Variants in POLR2D observed in about 807,000 individuals in gnomAD.
POLR2D encodes RNA polymerase II subunit D.
In POLR2D, 10 loss-of-function variants were observed where a neutral mutation model predicts 17.6. The ratio of observed to expected loss-of-function variants is 0.57; its 90% CI spans 0.35 to 0.96. The LOEUF (loss-of-function observed/expected upper bound fraction) is 0.96, where lower values mean the gene tolerates loss of function less well. POLR2D is among the 40% of genes least tolerant of loss of function. POLR2D has a pLI of 0.02. For synonymous variants in POLR2D, 52 were observed against 60.2 expected, an observed-to-expected ratio of 0.86 and a Z score of 0.63; for missense variants, 126 against 176.4, an observed-to-expected ratio of 0.71 and a Z score of 1.62.
intron 2 of POLR2D, 152 bp from the exon 3 acceptor site, chr2:127,850,837 A>G (rs1461825133): frequency 1.7e-6 from 1 of 591,442 alleles, no homozygotes; most frequent in East Asian, 2.9e-5. Flanking sequence ...CTGTAATTCC[A>G]GCACTCTGAG....
In POLR2D at chr2:127,848,029, C is replaced by G. The variant is rs148323792; in HGVS notation, c.*78G>C. 3.0e-3 allele frequency: 3,007 copies of G among 988,838 alleles called. 12 individuals are homozygous for G. The highest frequency in any genetic ancestry group is 3.9e-3 in the Non-Finnish European group (2,418 of 612,284). The allele number at this position is 988,838 out of a possible 1,614,324, so 61.3% of individuals were successfully genotyped here. A position where few individuals can be genotyped will look rare whatever the true frequency, so the allele number is the denominator to read the frequency against. On this transcript the variant is annotated 3_prime_UTR_variant, in exon 4 of 4. Transcript: ENST00000272645. ...AACTGTCTTCAACAGAATTTCTGTGCAAGTCAGCCCCAGACAGTGGGAAGG... is the reference window on the plus strand; with the variant it reads ...AACTGTCTTCAACAGAATTTCTGTGGAAGTCAGCCCCAGACAGTGGGAAGG...
rs1236654597 is a variant in POLR2D, at chr2:127,846,683, TATTTTTCTCCAGAGAA to T, written c.*1408_*1423del. ...ATTTTTTTAAGTAGAATTGCAATTTTATTTTTCTCCAGAGAAGTTTTTCTTCAGTCCTTAACAACTC... is the reference window on the plus strand; with the variant it reads ...ATTTTTTTAAGTAGAATTGCAATTTTGTTTTTCTTCAGTCCTTAACAACTC... On this transcript the variant is annotated 3_prime_UTR_variant, in exon 4 of 4. Coordinates refer to ENST00000272645, the MANE Select transcript of POLR2D (RefSeq NM_004805.4). 1 of 152,682 alleles carries T rather than the reference TATTTTTCTCCAGAGAA, an allele frequency of 6.5e-6. No homozygotes were observed. The highest frequency in any genetic ancestry group is 1.5e-5 in the Non-Finnish European group (1 of 68,080). 9.5% of individuals were successfully genotyped at this position (152,682 alleles called of 1,614,324 possible).
At position 127,845,366 on chromosome 2, in the gene POLR2D, A is replaced by C. The variant is rs1488475511; in HGVS notation, c.*2741T>G. On this transcript the variant is annotated 3_prime_UTR_variant, in exon 4 of 4. Coordinates refer to ENST00000272645, the MANE Select transcript of POLR2D (RefSeq NM_004805.4). ...AAGTTAACTGTAGATTTGGGTAAGC[A>C]ATTTCACTTTTTTTTTTTTTTTTTT... 1 of 139,682 alleles carries C rather than the reference A, an allele frequency of 7.2e-6. No homozygotes were observed. The highest frequency in any genetic ancestry group is 2.2e-4 in the South Asian group (1 of 4,490). The allele number at this position is 139,682 out of a possible 1,614,324, so 8.7% of individuals were successfully genotyped here.
chr2:127,858,007 T>A (rs745381892), intron 1 of POLR2D, 21 bp downstream of exon 1: 1 of 1,574,524 alleles, frequency 6.4e-7, no homozygotes, highest in African/African-American at 1.4e-5. Flanking sequence ...CGCGGGGGAG[T>A]CTGGCAGCCC....
chr2:127,850,810 G>T (rs34706819), intron 2 of POLR2D, 125 bp from the exon 3 acceptor site: 177,798 of 602,500 alleles, frequency 0.3, 29,534 homozygotes, highest in South Asian at 0.5. Context: ...TAGACGGCCA[G>T]GTGTAGTGGC....
chr2:127,855,748 C>T (rs1430965126), intron 1 of POLR2D, among the ~76,000 whole-genome samples: 1 of 152,208 alleles, frequency 6.6e-6, no homozygotes, highest in East Asian at 1.9e-4. Flanking sequence ...AGACTTCTCC[C>T]CATGGCTAAT....
rs982781989 is a variant in POLR2D, at chr2:127,858,131, G to T, written c.-31C>A. On this transcript the variant is annotated 5_prime_UTR_variant, in exon 1 of 4. Coordinates refer to ENST00000272645, the MANE Select transcript of POLR2D (RefSeq NM_004805.4). The stretch of plus-strand genomic sequence containing the variant: ...CGCCGCGCCGCGCGCCACCACCAGC[G>T]CCGCCGGAAGCAGAAGCGCGGAGCA... 11 of 1,420,244 alleles carry T rather than the reference G, an allele frequency of 7.7e-6. No homozygotes were observed. Among genetic ancestry groups the T allele is most frequent in the Non-Finnish European group, 9.2e-6 (10 of 1,084,422 alleles). The allele number at this position is 1,420,244 out of a possible 1,614,324, so 88.0% of individuals were successfully genotyped here.
chr2:127,848,057 G>T lies in POLR2D; in HGVS notation c.*50C>A, dbSNP rs753809360. ...GTCAGCCCCAGACAGTGGGAAGGTGGTGTTATGCCTGGGGATGTGGTTTCT... is the reference window on the plus strand; with the variant it reads ...GTCAGCCCCAGACAGTGGGAAGGTGTTGTTATGCCTGGGGATGTGGTTTCT... On this transcript the variant is annotated 3_prime_UTR_variant, in exon 4 of 4. Transcript: ENST00000272645. 13 of 1,155,568 alleles carry T rather than the reference G, an allele frequency of 1.1e-5. No homozygotes were observed. The South Asian group carries it at 1.2e-4, about 11-fold the overall frequency. 71.6% of individuals were successfully genotyped at this position (1,155,568 alleles called of 1,614,324 possible).
intron 1 of POLR2D, chr2:127,857,628 C>A (rs1690360569): frequency 5.0e-6 from 1 of 200,992 alleles, no homozygotes; most frequent in African/African-American, 2.3e-5. Flanking sequence ...CCCCCGAGCT[C>A]CCGCTCACCA....
chr2:127,853,478 T>C (rs1451510104), intron 1 of POLR2D, among the ~76,000 whole-genome samples: 3 of 152,218 alleles, frequency 2.0e-5, no homozygotes, highest in Non-Finnish European at 4.4e-5. Context: ...GTGCTTGGTC[T>C]TTTGTTCCTG....
chr2:127,855,394 CA>C (rs747725989), intron 1 of POLR2D, among the ~76,000 whole-genome samples: 3,587 of 51,338 alleles, frequency 0.07, 29 homozygotes, highest in African/African-American at 0.11. Context: ...AACTCCGTCT[CA>C]AAAAAAAAAA....
At chr2:127,851,492 T>C (rs920411635) in intron 2 of POLR2D, among the ~76,000 whole-genome samples, 1 of 152,118 alleles carries the variant, frequency 6.6e-6, no homozygotes, top group Non-Finnish European at 1.5e-5. Flanking sequence ...TCCTAGCACT[T>C]TGGGAGGCCA....
At chr2:127,853,139 T>C (rs1325236719) in intron 1 of POLR2D, 34 bp from the exon 2 acceptor site, 2 of 1,552,600 alleles carry the variant, frequency 1.3e-6, no homozygotes, top group East Asian at 2.2e-5. Flanking sequence ...CAGCTGAAAA[T>C]ACTCCTTCAA....
chr2:127,849,588 T>C (rs562503780), intron 3 of POLR2D, among the ~76,000 whole-genome samples: 3 of 152,334 alleles, frequency 2.0e-5, no homozygotes, highest in African/African-American at 7.2e-5. Flanking sequence ...CCTTCTGCAA[T>C]TTTTTTCCTC....
intron 2 of POLR2D, among the ~76,000 whole-genome samples, chr2:127,851,677 A>C (rs1690254965): frequency 6.6e-6 from 1 of 152,218 alleles, no homozygotes; most frequent in Admixed American, 6.5e-5. Context: ...TAACATACTC[A>C]TTACACATTC....
chr2:127,854,809 A>G (rs1453046318), intron 1 of POLR2D, among the ~76,000 whole-genome samples: 3 of 152,140 alleles, frequency 2.0e-5, no homozygotes, highest in African/African-American at 2.4e-5. Context: ...CTTCTAGCCT[A>G]TAACAGGGGA....
chr2:127,856,570 G>C (rs971497464), intron 1 of POLR2D, among the ~76,000 whole-genome samples: 21 of 150,906 alleles, frequency 1.4e-4, no homozygotes, highest in African/African-American at 4.9e-4. Flanking sequence ...CTGGGTGACA[G>C]AGTGAAACCC....
At chr2:127,848,751 C>T (rs1265833602) in intron 3 of POLR2D, among the ~76,000 whole-genome samples, 2 of 152,132 alleles carry the variant, frequency 1.3e-5, no homozygotes, top group East Asian at 1.9e-4. Flanking sequence ...CTCCTGACCT[C>T]GTGATCCGCC....
chr2:127,852,257 A>C lies in POLR2D; in HGVS notation c.254+668T>G, dbSNP rs148942759. ...CACACATACTGGACTTACACAAAAT[A>C]TGACAGATTCATATTTGAATCTGTT... On this transcript the variant is annotated intron_variant, in intron 2 of 3. Transcript: ENST00000272645. This position sits in a 1 kb window ranked among gnomAD's most constrained non-coding sequence, Gnocchi z 4.0. Among the ~76,000 whole-genome samples, 160 of 152,298 alleles carry C rather than the reference A, an allele frequency of 1.1e-3. No individual in the cohort carries two copies. Among genetic ancestry groups the C allele is most frequent in the African/African-American group, 3.6e-3 (150 of 41,566 alleles).
Sources: gnomAD v4.1 joint callset for allele counts (sites outside exome capture counted in the v4.1 genomes callset) on GRCh38, gnomAD v4.1.1 for gene constraint, Gnocchi (gnomAD v3.1) non-coding constraint, MANE v1.5 for transcripts, NCBI Gene and HGNC (gene_info 2026-07-23, HGNC 2026-07-21) for gene names.